SLC4A10: variants seen among roughly 807,000 people sequenced by gnomAD.
SLC4A10 encodes sodium-driven chloride bicarbonate exchanger.
In SLC4A10, 42 loss-of-function variants were observed where a neutral mutation model predicts 137.7. The observed-to-expected ratio is 0.30, with a 90% CI of 0.24 to 0.39. The LOEUF (loss-of-function observed/expected upper bound fraction) is 0.39. Among genes scored for constraint, SLC4A10 ranks in the 10% least tolerant of loss-of-function variants. SLC4A10 has a pLI of 1.00. For synonymous variants in SLC4A10, 474 were observed against 464.1 expected (o/e 1.02, Z -0.27); for missense variants, 925 against 1,355.0 (o/e 0.68, Z 4.98).
chr2:161,905,941 T>G (rs1684247549), intron 15 of SLC4A10, 54 bp downstream of exon 15: 2 of 1,523,340 alleles, frequency 1.3e-6, no homozygotes, highest in Non-Finnish European at 1.8e-6. Context: ...CAAATATTGC[T>G]ATTGTTACAA....
intron 15 of SLC4A10, among the ~76,000 whole-genome samples, chr2:161,915,174 T>C (rs1201534367): frequency 6.6e-6 from 1 of 152,028 alleles, no homozygotes; most frequent in Non-Finnish European, 1.5e-5. Context: ...GGCTGGACAT[T>C]GGAAAGAGGC....
At chr2:161,924,546 T>C (rs1406555060) in intron 15 of SLC4A10, among the ~76,000 whole-genome samples, 1 of 152,172 alleles carries the variant, frequency 6.6e-6, no homozygotes, top group Non-Finnish European at 1.5e-5. Flanking sequence ...TTTGAATTTA[T>C]TTATTTATGT....
chr2:161,748,967 T>C (rs1162414391), intron 1 of SLC4A10, among the ~76,000 whole-genome samples: 1 of 152,082 alleles, frequency 6.6e-6, no homozygotes, highest in Admixed American at 6.6e-5. Context: ...TAACATTTTA[T>C]AGTTTTCAGT....
intron 2 of SLC4A10, among the ~76,000 whole-genome samples, chr2:161,788,944 T>A (rs1266182106): frequency 1.3e-5 from 2 of 152,208 alleles, no homozygotes; most frequent in Non-Finnish European, 2.9e-5. Flanking sequence ...CACTGAGGGC[T>A]AGATTTCCAT....
At chr2:161,796,303 A>G (rs1314033645) in intron 2 of SLC4A10, among the ~76,000 whole-genome samples, 1 of 152,180 alleles carries the variant, frequency 6.6e-6, no homozygotes, top group Non-Finnish European at 1.5e-5. Flanking sequence ...GGACTCAGCT[A>G]GTTAGTTCTT....
chr2:161,757,093 G>A (rs77512782), intron 1 of SLC4A10, among the ~76,000 whole-genome samples: 18,683 of 152,102 alleles, frequency 0.12, 1,588 homozygotes, highest in Non-Finnish European at 0.2. Flanking sequence ...ATAAATATGG[G>A]AATAATAGAC....
chr2:161,806,387 T>C (rs946403548), intron 3 of SLC4A10, among the ~76,000 whole-genome samples: 2 of 152,210 alleles, frequency 1.3e-5, no homozygotes, highest in Non-Finnish European at 2.9e-5. Context: ...CTTGAATTTC[T>C]CCTCAGAAAA....
At chr2:161,937,961 G>GA (rs565861837) in intron 15 of SLC4A10, among the ~76,000 whole-genome samples, 2,036 of 149,226 alleles carry the variant, frequency 0.014, 25 homozygotes, top group Non-Finnish European at 0.018. Context: ...GTTGACTAAA[G>GA]AAAAAAAAAA....
chr2:161,906,156 C>T (rs757974505), intron 15 of SLC4A10, among the ~76,000 whole-genome samples: 1 of 152,106 alleles, frequency 6.6e-6, no homozygotes, highest in Non-Finnish European at 1.5e-5. Flanking sequence ...AGATAAGGAA[C>T]CAATTCCATT....
intron 1 of SLC4A10, among the ~76,000 whole-genome samples, chr2:161,750,758 G>A (rs2048882650): frequency 6.6e-6 from 1 of 151,634 alleles, no homozygotes. Context: ...GGTCTGTAGT[G>A]TTAAGTTTGT....
intron 6 of SLC4A10, among the ~76,000 whole-genome samples, chr2:161,870,106 G>A (rs540349479): frequency 6.6e-6 from 1 of 150,816 alleles, no homozygotes; most frequent in South Asian, 2.1e-4. Flanking sequence ...TTTAGAACAA[G>A]AATAGCATAC....
intron 1 of SLC4A10, among the ~76,000 whole-genome samples, chr2:161,644,037 C>G (rs2035662037): frequency 6.7e-6 from 1 of 149,648 alleles, no homozygotes; most frequent in Non-Finnish European, 1.5e-5. Flanking sequence ...GTTTGCTATA[C>G]AAAGTCACTT....
chr2:161,966,087 G>A (rs1400807608), intron 23 of SLC4A10, among the ~76,000 whole-genome samples: 6 of 151,964 alleles, frequency 3.9e-5, no homozygotes, highest in South Asian at 2.1e-4. Flanking sequence ...TATTTCCTTT[G>A]GGGAATTCAT....
chr2:161,686,395 A>T (rs1196133812), intron 1 of SLC4A10, among the ~76,000 whole-genome samples: 1 of 152,192 alleles, frequency 6.6e-6, no homozygotes, highest in African/African-American at 2.4e-5. Context: ...ATTAAATATT[A>T]AAAGATTGAT....
chr2:161,807,856 C>T (rs1196544765), intron 3 of SLC4A10, among the ~76,000 whole-genome samples: 3 of 152,002 alleles, frequency 2.0e-5, no homozygotes, highest in African/African-American at 7.2e-5. Flanking sequence ...AATTAATTTA[C>T]ATTTTGTTCA....
intron 1 of SLC4A10, among the ~76,000 whole-genome samples, chr2:161,654,130 A>G (rs969395539): frequency 2.0e-5 from 3 of 152,210 alleles, no homozygotes; most frequent in Non-Finnish European, 4.4e-5. Context: ...TCTGATGATT[A>G]GTGACAATGA....
At chr2:161,872,505 T>C (rs2061192898) in intron 7 of SLC4A10, 121 bp downstream of exon 7, 1 of 653,930 alleles carries the variant, frequency 1.5e-6, no homozygotes. Context: ...CAAAGCTTGA[T>C]ATTGTTACAG....
chr2:161,867,292 A>G (rs1462992281), intron 6 of SLC4A10, among the ~76,000 whole-genome samples: 3 of 151,822 alleles, frequency 2.0e-5, no homozygotes, highest in Non-Finnish European at 2.9e-5. Context: ...ACGTATTTAG[A>G]TATATATGCT....
chr2:161,839,449 A>G (rs2059037023), intron 3 of SLC4A10, among the ~76,000 whole-genome samples: 1 of 152,204 alleles, frequency 6.6e-6, no homozygotes, highest in African/African-American at 2.4e-5. Flanking sequence ...ATATGATGAG[A>G]GAAAATGAGT....
Sources: allele counts gnomAD v4.1 joint callset (sites outside exome capture counted in the v4.1 genomes callset), GRCh38; gene constraint gnomAD v4.1.1; transcripts MANE v1.5; gene names NCBI Gene and HGNC (gene_info 2026-07-23, HGNC 2026-07-21).